The following TARS3 variants were observed in gnomAD, a reference collection of about 807,000 sequenced individuals.
TARS3 encodes the protein threonine--tRNA ligase 2, cytoplasmic.
Under a neutral mutation model 103.5 loss-of-function variants are expected in TARS3, and 94 were observed. The ratio of observed to expected loss-of-function variants is 0.91; its 90% confidence interval spans 0.77 to 1.08. The LOEUF (loss-of-function observed/expected upper bound fraction) is 1.08, where lower values mean the gene tolerates loss of function less well. Ranked by LOEUF, TARS3 falls within the 50% of genes least tolerant of loss-of-function variation. The probability of loss-of-function intolerance (pLI) is 0.00; values close to 1 mark genes in which losing one functional copy is unlikely to be tolerated. For missense variants in TARS3, 952 were observed against 995.2 expected, an observed-to-expected ratio of 0.96 and a Z score of 0.58; for synonymous variants, 416 against 355.4, an observed-to-expected ratio of 1.17 and a Z score of -1.92.
At chr15:101,709,153 G>A (rs1294283697) in intron 5 of TARS3, among the ~76,000 whole-genome samples, 5 of 152,174 alleles carry the variant, frequency 3.3e-5, no homozygotes, top group Non-Finnish European at 7.4e-5. Flanking sequence ...AGCCCTGCTA[G>A]GAGACACCCA....
chr15:101,723,178 T>C lies in TARS3; in HGVS notation c.298-14A>G, dbSNP rs747326095. On this transcript the variant is annotated splice_polypyrimidine_tract_variant and intron_variant, in intron 1 of 18. Transcript: ENST00000335968. ...ACTAGGAGGAGGCTGAAAGATAAAT[T>C]ATAAATGACTCACATCAATGGCAAG... The C allele has an allele frequency of 7.5e-6, 12 of 1,609,774 alleles. No homozygotes were observed. The highest frequency in any genetic ancestry group is 9.4e-6 in the Non-Finnish European group (11 of 1,176,142).
At chr15:101,683,805 A>T (rs1044587674) in intron 12 of TARS3, among the ~76,000 whole-genome samples, 1 of 152,270 alleles carries the variant, frequency 6.6e-6, no homozygotes, top group African/African-American at 2.4e-5. Context: ...GCGATACTGA[A>T]AAACAAAACA....
intron 7 of TARS3, among the ~76,000 whole-genome samples, chr15:101,704,629 C>T (rs1025996952): frequency 3.4e-5 from 5 of 145,972 alleles, no homozygotes; most frequent in East Asian, 4.0e-4. Flanking sequence ...CACTCCAGCC[C>T]GGGCAACAGT....
At chr15:101,689,112 TAGAC>T (rs1898598117) in intron 10 of TARS3, among the ~76,000 whole-genome samples, 1 of 152,196 alleles carries the variant, frequency 6.6e-6, no homozygotes. Context: ...ATAGAACTGA[TAGAC>T]AGAAAAGGAC....
intron 10 of TARS3, 33 bp downstream of exon 10, chr15:101,701,053 G>A: frequency 7.4e-7 from 1 of 1,343,160 alleles, no homozygotes; most frequent in Non-Finnish European, 1.0e-6. Context: ...AACTGGAATT[G>A]AATAAGAATA....
At chr15:101,680,076 ACTGACACTG>A (rs1430201165) in intron 12 of TARS3, among the ~76,000 whole-genome samples, 7 of 152,200 alleles carry the variant, frequency 4.6e-5, no homozygotes, top group Admixed American at 2.0e-4. Context: ...CATAGTCTTC[ACTGACACTG>A]CTGGGTTGGG....
rs764639685 is a variant in TARS3 at position 101,712,020 on chromosome 15, G to C, written c.691-19C>G. ...AGTACACCTGCATGGCATGGACAAA[G>C]AGGCCATTAGCTACCAAAAGTATGT... On this transcript the variant is annotated intron_variant, in intron 4 of 18. Coordinates refer to ENST00000335968, the MANE Select transcript of TARS3 (RefSeq NM_152334.3). 24 of 1,595,900 alleles carry C rather than the reference G, an allele frequency of 1.5e-5. No individual in the cohort carries two copies. In the South Asian group the frequency reaches 2.7e-4, roughly 18 times the overall value.
intron 10 of TARS3, among the ~76,000 whole-genome samples, chr15:101,687,316 T>C (rs1232329901): frequency 1.3e-5 from 2 of 152,128 alleles, no homozygotes; most frequent in Non-Finnish European, 2.9e-5. Flanking sequence ...AGCAGGAGAA[T>C]CGCTTGAACC....
At chr15:101,659,107 G>C (rs2921657) in intron 16 of TARS3, among the ~76,000 whole-genome samples, 107,176 of 152,126 alleles carry the variant, frequency 0.7, 38,602 homozygotes, top group African/African-American at 0.75. Flanking sequence ...TAACTTCTTA[G>C]AACAACATGC....
intron 10 of TARS3, among the ~76,000 whole-genome samples, chr15:101,692,800 T>C (rs1178650098): frequency 2.0e-5 from 3 of 152,248 alleles, no homozygotes; most frequent in African/African-American, 7.2e-5. Context: ...CTTCCTTCAC[T>C]AGACTCTCTT....
At position 101,685,915 on chromosome 15, in the gene TARS3, T is replaced by C. The variant is rs1345871547; in HGVS notation, c.1468A>G (p.Met490Val). Residue 490 changes from methionine to valine, a missense_variant, in exon 11 of 19, where the codon ATG becomes GTG. Transcript: ENST00000335968. ...ACTCACCAGTGCCCTGGACAATTCA[T>C]GGGTTTGAGGGCAAAAGTGTCCTTT... ...IEKDTFALKP[M>V]NCPGHCLMFA... 3 of 1,613,902 alleles carry C rather than the reference T, an allele frequency of 1.9e-6. No individual in the cohort carries two copies. Among genetic ancestry groups the C allele is most frequent in the Non-Finnish European group, 2.5e-6 (3 of 1,179,840 alleles).
chr15:101,682,036 C>G (rs977443096), intron 12 of TARS3, among the ~76,000 whole-genome samples: 1 of 152,194 alleles, frequency 6.6e-6, no homozygotes, highest in East Asian at 1.9e-4. Context: ...CTTCTAATAG[C>G]TTTCTGTAGA....
chr15:101,666,242 G>C (rs1271488096), intron 15 of TARS3, among the ~76,000 whole-genome samples: 2 of 152,102 alleles, frequency 1.3e-5, no homozygotes, highest in Non-Finnish European at 2.9e-5. Flanking sequence ...TCAGCACTTT[G>C]GGAGGCTGAG....
rs1897989874 is a variant in TARS3, at chr15:101,675,618, C to T, written c.1770G>A (p.Met590Ile). 1.2e-6 allele frequency: 2 copies of T among 1,613,406 alleles called. No individual in the cohort carries two copies. The highest frequency in any genetic ancestry group is 2.2e-5 in the South Asian group (2 of 90,868). The change falls in exon 13 of 19, where the codon ATG (methionine) becomes ATA (isoleucine). Residue 590 changes from methionine to isoleucine, a missense_variant. Physicochemically the swap from Met to Ile is conservative, Grantham distance 10. Transcript: ENST00000335968. ...CTCTTACCTTCTCAGCCTCATTCCA[C>T]ATCTCAATCTCTCCTAGGAAGTTTT... ...RPENFLGEIE[M>I]WNEAEKQLQN... is the part of the protein sequence containing the mutation.
At chr15:101,701,304 C>T (rs1899262922) in intron 9 of TARS3, 120 bp from the exon 10 acceptor site, 1 of 542,170 alleles carries the variant, frequency 1.8e-6, no homozygotes, top group Non-Finnish European at 3.2e-6. Context: ...CAAGGCCATT[C>T]AACACTTATA....
intron 10 of TARS3, among the ~76,000 whole-genome samples, chr15:101,698,380 T>A (rs555724002): frequency 8.7e-4 from 132 of 150,992 alleles, no homozygotes; most frequent in Non-Finnish European, 1.0e-3. Context: ...TTTTTTTTTT[T>A]AAAAAAGAAA....
intron 15 of TARS3, among the ~76,000 whole-genome samples, chr15:101,662,445 C>T (rs1183177666): frequency 1.3e-5 from 2 of 151,932 alleles, no homozygotes; most frequent in East Asian, 3.9e-4. Context: ...ATTATACCAG[C>T]TAGCTACTAC....
intron 3 of TARS3, among the ~76,000 whole-genome samples, chr15:101,716,264 T>C (rs2141453714): frequency 6.6e-6 from 1 of 152,096 alleles, no homozygotes; most frequent in South Asian, 2.1e-4. Context: ...TCTTTCTTTC[T>C]GTTTTTTTGG....
intron 17 of TARS3, among the ~76,000 whole-genome samples, 184 bp downstream of exon 17, chr15:101,657,601 G>C (rs999602956): frequency 7.2e-5 from 11 of 152,322 alleles, no homozygotes; most frequent in Middle Eastern, 3.4e-3. Context: ...AAAACATTAA[G>C]AATGAAATAG....
Sources: gnomAD v4.1 joint callset for allele counts (sites outside exome capture counted in the v4.1 genomes callset) on GRCh38, gnomAD v4.1.1 for gene constraint, MANE v1.5 for transcripts, NCBI Gene and HGNC (gene_info 2026-07-23, HGNC 2026-07-21) for gene names.